DPY19L4: variants seen among roughly 807,000 people sequenced by gnomAD.
DPY19L4 encodes the protein probable C-mannosyltransferase DPY19L4.
Under a neutral mutation model 102.8 loss-of-function variants are expected in DPY19L4, and 97 were observed. The ratio of observed to expected loss-of-function variants is 0.94; its 90% CI spans 0.80 to 1.12. The LOEUF (loss-of-function observed/expected upper bound fraction) is 1.12. Ranked by LOEUF, DPY19L4 falls within the 50% of genes most tolerant of loss-of-function variation. DPY19L4 has a pLI of 0.00. For missense variants in DPY19L4, 815 were observed against 850.4 expected, an observed-to-expected ratio of 0.96 and a Z score of 0.52; for synonymous variants, 252 against 283.1, an observed-to-expected ratio of 0.89 and a Z score of 1.10.
chr8:94,733,833 C>T (rs1039648956), intron 2 of DPY19L4, among the ~76,000 whole-genome samples: 9 of 152,072 alleles, frequency 5.9e-5, no homozygotes, highest in South Asian at 2.1e-4. Flanking sequence ...TGAGCTACCG[C>T]GCCCGGCCTA....
intron 14 of DPY19L4, among the ~76,000 whole-genome samples, chr8:94,779,255 A>T (rs1359086665): frequency 1.3e-5 from 2 of 150,454 alleles, no homozygotes; most frequent in African/African-American, 4.9e-5. Context: ...TGTTTAAATA[A>T]CTTACTTGAG....
intron 6 of DPY19L4, among the ~76,000 whole-genome samples, chr8:94,752,658 AT>A (rs895120253): frequency 7.3e-6 from 1 of 137,778 alleles, no homozygotes; most frequent in African/African-American, 2.7e-5. Flanking sequence ...TAGTTTTAGT[AT>A]TTTTTTACGA....
intron 14 of DPY19L4, among the ~76,000 whole-genome samples, chr8:94,779,918 A>G (rs1813354783): frequency 1.3e-5 from 2 of 152,062 alleles, no homozygotes; most frequent in Non-Finnish European, 2.9e-5. Context: ...AGGAGAGTTT[A>G]TATGTTCTTA....
chr8:94,767,991 G>GTACTTA (rs1812751373), intron 11 of DPY19L4, among the ~76,000 whole-genome samples: 2 of 151,914 alleles, frequency 1.3e-5, no homozygotes, highest in Non-Finnish European at 2.9e-5. Flanking sequence ...GTCTCAATTT[G>GTACTTA]AATTGGCCAC....
At chr8:94,763,502 G>A (rs540398302) in intron 8 of DPY19L4, among the ~76,000 whole-genome samples, 73 of 144,908 alleles carry the variant, frequency 5.0e-4, no homozygotes, top group Non-Finnish European at 9.8e-4. Context: ...CACCATGCCC[G>A]TCTGATTTTT....
At chr8:94,725,898 A>T (rs1586302437) in intron 1 of DPY19L4, among the ~76,000 whole-genome samples, 1 of 152,104 alleles carries the variant, frequency 6.6e-6, no homozygotes, top group African/African-American at 2.4e-5. Flanking sequence ...CGGCCTCCCA[A>T]AGTGCTGGGA....
chr8:94,720,165 G>A (rs1810394765), intron 1 of DPY19L4, 151 bp downstream of exon 1: 2 of 1,372,728 alleles, frequency 1.5e-6, no homozygotes, highest in Admixed American at 3.9e-5. Context: ...GCGCCCAGGA[G>A]AGGACTGCGG....
chr8:94,768,300 G>T (rs1812765867), intron 11 of DPY19L4, 95 bp from the exon 12 acceptor site: 3 of 987,762 alleles, frequency 3.0e-6, no homozygotes, highest in Admixed American at 5.3e-5. Context: ...TAGGAAATGT[G>T]TTTTTTCTTA....
At chr8:94,769,367 C>G (rs1026544241) in intron 12 of DPY19L4, among the ~76,000 whole-genome samples, 4 of 151,970 alleles carry the variant, frequency 2.6e-5, no homozygotes, top group Non-Finnish European at 4.4e-5. Context: ...CAGCCCTAAA[C>G]TTAGTTTTAT....
intron 6 of DPY19L4, among the ~76,000 whole-genome samples, chr8:94,752,048 G>C (rs536118561): frequency 1.4e-4 from 22 of 152,206 alleles, no homozygotes; most frequent in African/African-American, 5.3e-4. Context: ...GGGGACATAT[G>C]CTTTCATTTC....
intron 6 of DPY19L4, among the ~76,000 whole-genome samples, chr8:94,752,696 G>A (rs1259682913): frequency 2.2e-5 from 3 of 138,488 alleles, no homozygotes; most frequent in South Asian, 4.5e-4. Context: ...ATGGAGTCTC[G>A]CTCTGTCACC....
At chr8:94,727,316 C>T (rs899542578) in intron 2 of DPY19L4, among the ~76,000 whole-genome samples, 5 of 152,216 alleles carry the variant, frequency 3.3e-5, no homozygotes, top group African/African-American at 1.2e-4. Flanking sequence ...TCACTGCAAC[C>T]TCCACCTTCT....
chr8:94,720,202 G>GC, intron 1 of DPY19L4, 188 bp downstream of exon 1: 1 of 985,408 alleles, frequency 1.0e-6, no homozygotes, highest in Non-Finnish European at 1.2e-6. Context: ...GGAGCAAATG[G>GC]CCCGAAGTTT....
chr8:94,766,611 G>A lies in DPY19L4; in HGVS notation c.1102-1G>A. On this transcript the variant is annotated splice_acceptor_variant, in intron 10 of 18. Transcript: ENST00000414645. LOFTEE classifies it high-confidence loss of function. ...GTTTAACTGGTGTTTTTCTCTTCTA[G>A]ATGTTTGTCCCACACAAAGAAAATG... is the stretch of plus-strand genomic sequence containing the variant. 1 of 1,613,026 alleles carries A rather than the reference G, an allele frequency of 6.2e-7. No homozygotes were observed. The highest frequency in any genetic ancestry group is 1.7e-5 in the Admixed American group (1 of 59,888).
intron 2 of DPY19L4, among the ~76,000 whole-genome samples, chr8:94,734,368 C>T (rs771843522): frequency 2.7e-4 from 41 of 152,270 alleles, no homozygotes; most frequent in Non-Finnish European, 5.1e-4. Flanking sequence ...ATCCACAATA[C>T]CACATGACAT....
chr8:94,787,973 T>A lies in DPY19L4; in HGVS notation c.1928T>A (p.Val643Glu). 1 of 1,521,666 alleles carries A rather than the reference T, an allele frequency of 6.6e-7. No homozygotes were observed. The highest frequency in any genetic ancestry group is 8.8e-7 in the Non-Finnish European group (1 of 1,134,872). 94.3% of individuals were successfully genotyped at this position (1,521,666 alleles called of 1,614,324 possible). Residue 643 changes from valine to glutamate, a missense_variant, in exon 18 of 19, where the codon GTA becomes GAA. Coordinates refer to ENST00000414645, the MANE Select transcript of DPY19L4 (RefSeq NM_181787.3). ...TCTTACAAAGCTAATTACCTAATTG[T>A]AGAGGATGCTATCTGCAATGAGGTG... is the stretch of plus-strand genomic sequence containing the variant. Reference protein sequence around the residue: ...LTSYKANYLIVEDAICNEVGP... With the variant: ...LTSYKANYLIEEDAICNEVGP...
intron 3 of DPY19L4, among the ~76,000 whole-genome samples, chr8:94,735,326 C>T (rs890439056): frequency 1.3e-5 from 2 of 152,128 alleles, no homozygotes; most frequent in Non-Finnish European, 2.9e-5. Context: ...TTTTTGAGCC[C>T]AAACTGGGTT....
chr8:94,755,827 G>A (rs1812137361), intron 6 of DPY19L4, among the ~76,000 whole-genome samples: 1 of 151,944 alleles, frequency 6.6e-6, no homozygotes, highest in Non-Finnish European at 1.5e-5. Flanking sequence ...AGAGGTTGCA[G>A]TGACCTGAGA....
At chr8:94,726,662 T>C (rs1810702345) in intron 2 of DPY19L4, among the ~76,000 whole-genome samples, 1 of 152,186 alleles carries the variant, frequency 6.6e-6, no homozygotes, top group Non-Finnish European at 1.5e-5. Flanking sequence ...TAGTTTTATG[T>C]GTTGCGAAGG....
Sources: gnomAD v4.1 joint callset for allele counts (sites outside exome capture counted in the v4.1 genomes callset) on GRCh38, gnomAD v4.1.1 for gene constraint, MANE v1.5 for transcripts, NCBI Gene and HGNC (gene_info 2026-07-23, HGNC 2026-07-21) for gene names.